The following GRM1 variants were observed in gnomAD, a reference collection of about 807,000 sequenced individuals.
GRM1 encodes glutamate metabotropic receptor 1, also known as metabotropic glutamate receptor 1.
Under a neutral mutation model 90.9 loss-of-function variants are expected in GRM1, and 33 were observed. That is an observed-to-expected ratio of 0.36 (90% confidence interval 0.28 to 0.49). GRM1 has a LOEUF of 0.49. Among genes scored for constraint, GRM1 ranks in the 20% least tolerant of loss-of-function variants. The pLI is 0.99. For missense variants in GRM1, 1,190 were observed against 1,534.3 expected (o/e 0.78, Z 3.75); for synonymous variants, 700 against 613.2 (o/e 1.14, Z -2.09).
chr6:146,146,036 C>A (rs1428331431), intron 1 of GRM1, among the ~76,000 whole-genome samples: 1 of 142,608 alleles, frequency 7.0e-6, no homozygotes. Flanking sequence ...CCTCTTAACA[C>A]TTTCTTTTGG....
At chr6:146,208,012 T>A (rs1779552153) in intron 2 of GRM1, among the ~76,000 whole-genome samples, 1 of 152,168 alleles carries the variant, frequency 6.6e-6, no homozygotes, top group South Asian at 2.1e-4. Context: ...TTTCTCTCTT[T>A]CATACACAAC....
intron 2 of GRM1, among the ~76,000 whole-genome samples, chr6:146,295,696 T>A (rs1783152646): frequency 6.6e-6 from 1 of 152,214 alleles, no homozygotes; most frequent in Non-Finnish European, 1.5e-5. Context: ...TATGTATATG[T>A]ATATTATTGA....
chr6:146,100,177 C>T (rs955763925), intron 1 of GRM1, among the ~76,000 whole-genome samples: 3 of 152,000 alleles, frequency 2.0e-5, no homozygotes, highest in African/African-American at 4.8e-5. Flanking sequence ...TTCACTTTTG[C>T]GAAGCTTTTG....
rs200941350 is a variant in GRM1 at position 146,299,903 on chromosome 6, CA to C, written c.951-4700del. 5.3e-5 allele frequency among the ~76,000 whole-genome samples: 8 copies of C among 150,770 alleles called. No homozygotes were observed. The East Asian group carries it at 7.8e-4, about 15-fold the overall frequency. ...ATTTGAAAACATCCAAGCAGTACGC[CA>C]AAAAAAAGTAGTGTTCACCTCATTT... On this transcript the variant is annotated intron_variant, in intron 2 of 7. Transcript: ENST00000282753.
intron 7 of GRM1, among the ~76,000 whole-genome samples, chr6:146,433,066 G>A (rs1778470843): frequency 6.6e-6 from 1 of 152,100 alleles, no homozygotes; most frequent in African/African-American, 2.4e-5. Context: ...GCAGGATGTG[G>A]GCATTTGTAT....
intron 3 of GRM1, among the ~76,000 whole-genome samples, chr6:146,311,172 G>T (rs777690768): frequency 6.6e-6 from 1 of 152,150 alleles, no homozygotes; most frequent in Non-Finnish European, 1.5e-5. Flanking sequence ...TATAGATCCT[G>T]CAATCAAAAG....
chr6:146,045,749 C>CAAAAAAAAAA (rs58055832), intron 1 of GRM1, among the ~76,000 whole-genome samples: 2 of 87,400 alleles, frequency 2.3e-5, no homozygotes, highest in Non-Finnish European at 4.4e-5. Flanking sequence ...TGGAATACAG[C>CAAAAAAAAAA]AAAAAAAAAA....
chr6:146,123,292 C>T (rs1776068797), intron 1 of GRM1, among the ~76,000 whole-genome samples: 1 of 152,184 alleles, frequency 6.6e-6, no homozygotes, highest in Non-Finnish European at 1.5e-5. Context: ...TAGAGATGAT[C>T]TTCCCAGCGA....
chr6:146,404,307 T>C (rs2300622), intron 7 of GRM1, among the ~76,000 whole-genome samples: 9,720 of 152,134 alleles, frequency 0.064, 920 homozygotes, highest in African/African-American at 0.21. Context: ...GTACTTGATA[T>C]GGTGCTAGGT....
chr6:146,342,638 G>A (rs1038387293), intron 3 of GRM1, among the ~76,000 whole-genome samples: 9 of 152,152 alleles, frequency 5.9e-5, no homozygotes, highest in Non-Finnish European at 7.3e-5. Context: ...CCTATCAACC[G>A]TTTCATAAGT....
upstream of GRM1, among the ~76,000 whole-genome samples, chr6:146,028,149 G>T (rs1244940168): frequency 1.3e-5 from 2 of 152,136 alleles, 1 homozygote; most frequent in South Asian, 4.1e-4. Flanking sequence ...CCCCAAGCGG[G>T]TGGGTTTGGA....
At chr6:146,139,254 A>G (rs1425414897) in intron 1 of GRM1, among the ~76,000 whole-genome samples, 2 of 152,178 alleles carry the variant, frequency 1.3e-5, no homozygotes, top group Non-Finnish European at 2.9e-5. Flanking sequence ...ATCCTTGAGA[A>G]TTATCCATAT....
At chr6:146,046,368 G>A (rs1430709805) in intron 1 of GRM1, among the ~76,000 whole-genome samples, 1 of 151,920 alleles carries the variant, frequency 6.6e-6, no homozygotes, top group Non-Finnish European at 1.5e-5. Flanking sequence ...TCCTTGATTT[G>A]AAAAGAAAGC....
Position 146,139,152 on chromosome 6 carries a change from A to G in GRM1, c.701-20196A>G, listed in dbSNP as rs577418152. Among the ~76,000 whole-genome samples, 22 of 151,938 alleles carry G rather than the reference A, an allele frequency of 1.4e-4. No individual in the cohort carries two copies. In the South Asian group the frequency reaches 4.6e-3, roughly 32 times the overall value. Reference sequence around the variant, plus strand: ...GTTTTCAAAATTCCTCTTGAGTTCTAGTTTTATTTCATTATGGTCAAAGAA... The same window carrying G: ...GTTTTCAAAATTCCTCTTGAGTTCTGGTTTTATTTCATTATGGTCAAAGAA... On this transcript the variant is annotated intron_variant, in intron 1 of 7. Coordinates refer to ENST00000282753, the MANE Select transcript of GRM1 (RefSeq NM_001278064.2).
At chr6:146,292,770 T>C (rs1022259736) in intron 2 of GRM1, among the ~76,000 whole-genome samples, 3 of 151,914 alleles carry the variant, frequency 2.0e-5, no homozygotes, top group Non-Finnish European at 4.4e-5. Context: ...CCTGGATACA[T>C]AACCAAAAGA....
rs916839780 is a variant in GRM1, at chr6:146,115,844, GACAA to G, written c.701-43499_701-43496del. On this transcript the variant is annotated intron_variant, in intron 1 of 7. Coordinates refer to ENST00000282753, the MANE Select transcript of GRM1 (RefSeq NM_001278064.2). ...GATTATTTTCTTGTATTAATGAATAGACAAACAAGTGGTCTGCAAAATGACATTG... is the reference window on the plus strand; with the variant it reads ...GATTATTTTCTTGTATTAATGAATAGACAAGTGGTCTGCAAAATGACATTG... 1.1e-3 allele frequency among the ~76,000 whole-genome samples: 167 copies of G among 152,214 alleles called. 2 individuals carry two copies. The highest frequency in any genetic ancestry group is 3.9e-3 in the African/African-American group (162 of 41,540).
chr6:146,387,785 T>G (rs1776562345), intron 6 of GRM1, among the ~76,000 whole-genome samples: 1 of 152,082 alleles, frequency 6.6e-6, no homozygotes, highest in Non-Finnish European at 1.5e-5. Context: ...CTGTGTGACA[T>G]TCCTCTACAT....
intron 1 of GRM1, among the ~76,000 whole-genome samples, chr6:146,130,114 C>T (rs1776339755): frequency 1.3e-5 from 2 of 152,156 alleles, no homozygotes; most frequent in South Asian, 2.1e-4. Flanking sequence ...GGGAATTCTA[C>T]CACCATATAG....
chr6:146,304,677 G>A lies in GRM1; in HGVS notation c.1017G>A (p.Thr339=), dbSNP rs551572574. The part of the protein sequence containing the change: ...GYEVEANGGI[T]IKLQSPEVRS... ...AGGTGGAAGCCAACGGGGGAATCACGATAAAGCTGCAGTCTCCAGAGGTCA... is the reference window on the plus strand; with the variant it reads ...AGGTGGAAGCCAACGGGGGAATCACAATAAAGCTGCAGTCTCCAGAGGTCA... Residue 339 remains threonine, a synonymous_variant, in exon 3 of 8, where the codon ACG becomes ACA. Transcript: ENST00000282753. The A allele has an allele frequency of 5.0e-6, 8 of 1,613,822 alleles. No homozygotes were observed. The highest frequency in any genetic ancestry group is 2.2e-5 in the East Asian group (1 of 44,876).
Sources: gnomAD v4.1 joint callset for allele counts (sites outside exome capture counted in the v4.1 genomes callset) on GRCh38, gnomAD v4.1.1 for gene constraint, MANE v1.5 for transcripts, NCBI Gene and HGNC (gene_info 2026-07-23, HGNC 2026-07-21) for gene names.